Variants in LAMA2 observed in about 807,000 individuals in gnomAD.
LAMA2 encodes laminin subunit alpha-2.
Under a neutral mutation model 364.8 loss-of-function variants are expected in LAMA2, and 269 were observed. That is an observed-to-expected ratio of 0.74 (90% CI 0.67 to 0.82). LAMA2 has a LOEUF of 0.82. Ranked by LOEUF, LAMA2 falls within the 40% of genes least tolerant of loss-of-function variation. The probability of loss-of-function intolerance (pLI) is 0.00; values close to 1 mark genes in which losing one functional copy is unlikely to be tolerated. For synonymous variants in LAMA2, 1,379 were observed against 1,370.6 expected, an observed-to-expected ratio of 1.01 and a Z score of -0.14; for missense variants, 3,807 against 3,873.2, an observed-to-expected ratio of 0.98 and a Z score of 0.45.
chr6:129,192,875 G>T (rs374410668), intron 12 of LAMA2, 22 bp downstream of exon 12: 6 of 1,609,048 alleles, frequency 3.7e-6, no homozygotes, highest in Non-Finnish European at 5.1e-6. Flanking sequence ...CTTGCTTCCC[G>T]CTATTCTGCT....
chr6:129,454,031 A>T (rs1355352987), intron 46 of LAMA2, 124 bp from the exon 47 acceptor site: 1 of 607,812 alleles, frequency 1.6e-6, no homozygotes, highest in African/African-American at 1.9e-5. Context: ...GACAAGTATT[A>T]TCATGAAGCT....
chr6:128,957,901 T>C (rs1781254284), intron 1 of LAMA2, among the ~76,000 whole-genome samples: 1 of 138,260 alleles, frequency 7.2e-6, no homozygotes, highest in African/African-American at 2.6e-5. Flanking sequence ...AATTTCTCAC[T>C]ATGTATTTGA....
At chr6:129,493,345 G>A (rs964732289) in intron 58 of LAMA2, among the ~76,000 whole-genome samples, 8 of 152,098 alleles carry the variant, frequency 5.3e-5, no homozygotes, top group African/African-American at 1.9e-4. Flanking sequence ...TCCCAGCACT[G>A]TAACCGACCA....
intron 1 of LAMA2, among the ~76,000 whole-genome samples, chr6:128,991,498 A>G (rs1783609998): frequency 6.6e-6 from 1 of 152,236 alleles, no homozygotes. Flanking sequence ...GTAACATTGC[A>G]TAAAAACTTG....
chr6:128,905,921 G>T (rs1208728626), intron 1 of LAMA2, among the ~76,000 whole-genome samples: 10 of 151,968 alleles, frequency 6.6e-5, no homozygotes, highest in Admixed American at 3.3e-4. Context: ...TGCTGAGAAT[G>T]ATGATTTCCA....
chr6:129,251,040 T>TTCTCTCTCTC (rs66896334), intron 13 of LAMA2, among the ~76,000 whole-genome samples: 45 of 61,660 alleles, frequency 7.3e-4, no homozygotes, highest in South Asian at 2.1e-3. Flanking sequence ...GTCTCTCTCT[T>TTCTCTCTCTC]TCTCTCTCTC....
intron 1 of LAMA2, among the ~76,000 whole-genome samples, chr6:129,023,130 G>A (rs1374750938): frequency 2.6e-5 from 4 of 152,048 alleles, no homozygotes; most frequent in Admixed American, 2.0e-4. Context: ...TTCAGCTGGT[G>A]GCAATCAGCA....
chr6:129,154,647 C>A lies in LAMA2; in HGVS notation c.1170C>A (p.Cys390Ter). The change falls in exon 8 of 65, where the codon TGC becomes TGA. Residue 390 changes from cysteine (C) to a stop codon, truncating the protein, a stop_gained. Coordinates refer to ENST00000421865, the MANE Select transcript of LAMA2 (RefSeq NM_000426.4). LOFTEE classifies it high-confidence loss of function. Reference sequence around the variant, plus strand: ...CCCAAAACACTGCTGGTATAAACTGCGAGACATGTACTGATGGCTTCTTCA... The same window carrying A: ...CCCAAAACACTGCTGGTATAAACTGAGAGACATGTACTGATGGCTTCTTCA... The part of the protein sequence containing the change: ...NCTQNTAGIN[C>*]ETCTDGFFRP... The A allele has an allele frequency of 1.2e-6, 2 of 1,613,870 alleles. No homozygotes were observed. Among genetic ancestry groups the A allele is most frequent in the South Asian group, 1.1e-5 (1 of 91,086 alleles).
chr6:129,084,230 C>T (rs1774239306), intron 3 of LAMA2, among the ~76,000 whole-genome samples: 1 of 152,116 alleles, frequency 6.6e-6, no homozygotes, highest in African/African-American at 2.4e-5. Flanking sequence ...CTGTCCTTCC[C>T]ACTCTTCTTA....
chr6:129,388,148 T>A (rs1056982705), intron 35 of LAMA2, among the ~76,000 whole-genome samples: 10 of 151,566 alleles, frequency 6.6e-5, no homozygotes, highest in East Asian at 3.9e-4. Context: ...TTCCAGCTAC[T>A]CGGGAGGCTG....
chr6:129,208,929 C>G (rs191775641), intron 12 of LAMA2, among the ~76,000 whole-genome samples: 1 of 152,236 alleles, frequency 6.6e-6, no homozygotes, highest in South Asian at 2.1e-4. Flanking sequence ...TCTGGTAGGA[C>G]AGTAAATGGC....
chr6:128,965,384 T>G (rs1359782721), intron 1 of LAMA2, among the ~76,000 whole-genome samples: 1 of 152,092 alleles, frequency 6.6e-6, no homozygotes, highest in Non-Finnish European at 1.5e-5. Context: ...AATACTAATG[T>G]GTATTTTAGA....
chr6:128,967,910 C>G (rs1368278062), intron 1 of LAMA2, among the ~76,000 whole-genome samples: 2 of 152,076 alleles, frequency 1.3e-5, no homozygotes, highest in African/African-American at 4.8e-5. Flanking sequence ...CCGAAGATTC[C>G]CAGCCCCAGG....
At chr6:129,040,554 A>G (rs1165621124) in intron 1 of LAMA2, among the ~76,000 whole-genome samples, 2 of 152,198 alleles carry the variant, frequency 1.3e-5, no homozygotes, top group Non-Finnish European at 2.9e-5. Context: ...ACTTGAGCCT[A>G]GGAGGCAGAG....
At chr6:129,218,967 A>C (rs1783609883) in intron 12 of LAMA2, among the ~76,000 whole-genome samples, 1 of 152,124 alleles carries the variant, frequency 6.6e-6, no homozygotes, top group Admixed American at 6.5e-5. Flanking sequence ...TGTATCACCA[A>C]GATTTGCCAA....
intron 22 of LAMA2, among the ~76,000 whole-genome samples, 172 bp from the exon 23 acceptor site, chr6:129,312,689 A>G (rs1302720415): frequency 6.6e-6 from 1 of 152,238 alleles, no homozygotes; most frequent in Non-Finnish European, 1.5e-5. Context: ...AAGCAATTTT[A>G]ATGTTTATGT....
intron 3 of LAMA2, among the ~76,000 whole-genome samples, chr6:129,082,212 A>G (rs1774103296): frequency 6.6e-6 from 1 of 152,082 alleles, no homozygotes; most frequent in Admixed American, 6.6e-5. Flanking sequence ...CTGGTATATA[A>G]TAAGTAACCA....
chr6:129,499,870 A>C (rs1397597367), intron 58 of LAMA2, among the ~76,000 whole-genome samples: 1 of 152,108 alleles, frequency 6.6e-6, no homozygotes, highest in Non-Finnish European at 1.5e-5. Flanking sequence ...AGCATGCAAC[A>C]ACATGCCCAG....
chr6:129,088,389 G>A (rs1245339211), intron 3 of LAMA2, among the ~76,000 whole-genome samples: 3 of 151,754 alleles, frequency 2.0e-5, no homozygotes, highest in African/African-American at 4.8e-5. Context: ...ATCATGGCCC[G>A]TTCTCAATGA....
Sources: allele counts gnomAD v4.1 joint callset (sites outside exome capture counted in the v4.1 genomes callset), GRCh38; gene constraint gnomAD v4.1.1; transcripts MANE v1.5; gene names NCBI Gene and HGNC (gene_info 2026-07-23, HGNC 2026-07-21).